The following MARCHF3 variants were observed in gnomAD, a reference collection of about 807,000 sequenced individuals.
The protein encoded by MARCHF3 is membrane associated ring-CH-type finger 3, also known as E3 ubiquitin-protein ligase MARCHF3.
A neutral mutation model predicts 24.2 loss-of-function variants in MARCHF3; 13 were observed. The observed-to-expected ratio is 0.54, with a 90% CI of 0.35 to 0.85. The LOEUF (loss-of-function observed/expected upper bound fraction) is 0.85. MARCHF3 is among the 40% of genes least tolerant of loss of function. The probability of loss-of-function intolerance (pLI) is 0.01; values close to 1 mark genes in which losing one functional copy is unlikely to be tolerated. For synonymous variants in MARCHF3, 144 were observed against 137.3 expected (o/e 1.05, Z -0.34); for missense variants, 276 against 325.0 (o/e 0.85, Z 1.16).
intron 1 of MARCHF3, among the ~76,000 whole-genome samples, chr5:126,999,598 G>A (rs886168384): frequency 1.3e-5 from 2 of 152,186 alleles, no homozygotes; most frequent in African/African-American, 4.8e-5. Flanking sequence ...ATGTCTCTCA[G>A]CTGACTTGGT....
At chr5:126,907,798 T>C (rs2126787378) in intron 3 of MARCHF3, among the ~76,000 whole-genome samples, 1 of 150,956 alleles carries the variant, frequency 6.6e-6, no homozygotes, top group East Asian at 2.0e-4. Context: ...TGTCTTTTAA[T>C]TGGAGCATTT....
In MARCHF3 at chr5:126,967,442, C is replaced by T. The variant is rs567034247; in HGVS notation, c.-56-49215G>A. ...GTGCGGTGGCTCAAGCCTGTAATCC[C>T]AGCACTTTGAGAGGCCGAGGCAGGC... On this transcript the variant is annotated intron_variant, in intron 1 of 4. Coordinates refer to ENST00000308660, the MANE Select transcript of MARCHF3 (RefSeq NM_178450.5). Among the ~76,000 whole-genome samples the T allele has an allele frequency of 7.9e-5, 12 of 152,272 alleles. No homozygotes were observed. In the East Asian group the frequency reaches 2.1e-3, roughly 27 times the overall value.
At chr5:126,951,638 C>T (rs1046679255) in intron 1 of MARCHF3, among the ~76,000 whole-genome samples, 1 of 152,154 alleles carries the variant, frequency 6.6e-6, no homozygotes. Context: ...TCTGTACCCA[C>T]GCTCAAATCA....
chr5:126,932,823 T>C (rs189168043), intron 1 of MARCHF3, among the ~76,000 whole-genome samples: 7 of 152,286 alleles, frequency 4.6e-5, no homozygotes, highest in Admixed American at 2.0e-4. Flanking sequence ...AGGTACCATT[T>C]TGGCTCCAGA....
At chr5:126,973,394 C>T (rs370434688) in intron 1 of MARCHF3, among the ~76,000 whole-genome samples, 9 of 152,226 alleles carry the variant, frequency 5.9e-5, no homozygotes, top group East Asian at 3.9e-4. Context: ...CCGAGCACAA[C>T]GCATGGAATT....
intron 1 of MARCHF3, among the ~76,000 whole-genome samples, chr5:126,938,165 CT>C (rs527628656): frequency 0.032 from 3,928 of 122,882 alleles, 63 homozygotes; most frequent in African/African-American, 0.093. Context: ...TGATCTGATT[CT>C]TTTTTTTTTT....
At chr5:126,899,909 T>C (rs1361973973) in intron 3 of MARCHF3, among the ~76,000 whole-genome samples, 1 of 152,098 alleles carries the variant, frequency 6.6e-6, no homozygotes, top group Non-Finnish European at 1.5e-5. Flanking sequence ...GTGATGAACC[T>C]ACCTTGACAC....
At chr5:126,921,450 C>T (rs1749104869) in intron 1 of MARCHF3, among the ~76,000 whole-genome samples, 1 of 152,118 alleles carries the variant, frequency 6.6e-6, no homozygotes, top group Non-Finnish European at 1.5e-5. Flanking sequence ...CATGCACCAA[C>T]TGGCATGCAT....
intron 1 of MARCHF3, among the ~76,000 whole-genome samples, chr5:126,976,119 T>C (rs898495071): frequency 2.0e-5 from 3 of 152,164 alleles, no homozygotes; most frequent in African/African-American, 7.2e-5. Flanking sequence ...GAGGGATCTT[T>C]CTCCTTCTAT....
At chr5:126,989,283 A>ATACTAC (rs957703114) in intron 1 of MARCHF3, among the ~76,000 whole-genome samples, 3 of 150,190 alleles carry the variant, frequency 2.0e-5, no homozygotes, top group Non-Finnish European at 3.0e-5. Flanking sequence ...TGTCTCTAGA[A>ATACTAC]TACTACTACT....
At chr5:126,928,724 G>A (rs1241440266) in intron 1 of MARCHF3, among the ~76,000 whole-genome samples, 1 of 151,400 alleles carries the variant, frequency 6.6e-6, no homozygotes, top group East Asian at 1.9e-4. Context: ...CCTTCCCTTT[G>A]TTCATAAAAA....
intron 1 of MARCHF3, among the ~76,000 whole-genome samples, chr5:126,964,495 T>C (rs1750739820): frequency 6.6e-6 from 1 of 152,232 alleles, no homozygotes; most frequent in African/African-American, 2.4e-5. Flanking sequence ...CAAAATGGTC[T>C]TTAAATGGAA....
Position 126,870,711 on chromosome 5 carries a change from A to C in MARCHF3, c.684T>G (p.Ser228=). ...NQRVILLIPK[S]VNVPSNQPSL... Reference sequence around the variant, plus strand: ...ACGGCTGGTTAGAAGGTACATTGACAGACTTTGGAATGAGGAGAATCACCC... The same window carrying C: ...ACGGCTGGTTAGAAGGTACATTGACCGACTTTGGAATGAGGAGAATCACCC... Residue 228 remains serine, a synonymous_variant, in exon 5 of 5, where the codon TCT becomes TCG. Coordinates refer to ENST00000308660, the MANE Select transcript of MARCHF3 (RefSeq NM_178450.5). The C allele has an allele frequency of 6.2e-7, 1 of 1,614,234 alleles. No individual in the cohort carries two copies.
At chr5:126,876,714 G>A (rs1753171162) in intron 4 of MARCHF3, among the ~76,000 whole-genome samples, 1 of 151,806 alleles carries the variant, frequency 6.6e-6, no homozygotes, top group Admixed American at 6.6e-5. Flanking sequence ...ACAGTGGCAC[G>A]ATCTTGGCTC....
chr5:126,882,009 T>C (rs538843853), intron 3 of MARCHF3, among the ~76,000 whole-genome samples: 128 of 152,276 alleles, frequency 8.4e-4, no homozygotes, highest in Non-Finnish European at 1.4e-3. Flanking sequence ...GAGTTTATTA[T>C]GCAATATCTC....
chr5:126,962,254 A>C (rs571630250), intron 1 of MARCHF3, among the ~76,000 whole-genome samples: 14 of 152,170 alleles, frequency 9.2e-5, no homozygotes, highest in Admixed American at 6.6e-4. Flanking sequence ...ATATATATAT[A>C]TCTCTGCAGA....
At chr5:127,019,089 C>T (rs1294983584) in intron 1 of MARCHF3, among the ~76,000 whole-genome samples, 1 of 152,156 alleles carries the variant, frequency 6.6e-6, no homozygotes, top group Admixed American at 6.5e-5. Flanking sequence ...AAAGATCATA[C>T]ACTTATTTAG....
At chr5:127,013,629 C>T (rs890642445) in intron 1 of MARCHF3, among the ~76,000 whole-genome samples, 4 of 152,110 alleles carry the variant, frequency 2.6e-5, no homozygotes, top group African/African-American at 9.7e-5. Context: ...CTCTTCCTTT[C>T]TTTTTCTGAC....
chr5:126,987,570 C>T (rs960628258), intron 1 of MARCHF3, among the ~76,000 whole-genome samples: 2 of 152,206 alleles, frequency 1.3e-5, no homozygotes, highest in African/African-American at 2.4e-5. Context: ...TCTTTCACCC[C>T]TCTGCCACTT....
Sources: allele counts gnomAD v4.1 joint callset (sites outside exome capture counted in the v4.1 genomes callset), GRCh38; gene constraint gnomAD v4.1.1; transcripts MANE v1.5; gene names NCBI Gene and HGNC (gene_info 2026-07-23, HGNC 2026-07-21).